The following CDH18 variants were observed in gnomAD, a reference collection of about 807,000 sequenced individuals.
CDH18 encodes the protein cadherin 18.
CDH18 carries 31 observed loss-of-function variants against 67.9 expected under a neutral mutation model. The observed-to-expected ratio is 0.46, with a 90% CI of 0.34 to 0.62. The LOEUF is 0.62. Ranked by LOEUF, CDH18 falls within the 20% of genes least tolerant of loss-of-function variation. CDH18 has a pLI of 0.01. For synonymous variants in CDH18, 362 were observed against 347.2 expected (o/e 1.04, Z -0.48); for missense variants, 890 against 975.5 (o/e 0.91, Z 1.17).
intron 1 of CDH18, among the ~76,000 whole-genome samples, chr5:20,403,835 C>T (rs1745998366): frequency 6.6e-6 from 1 of 152,152 alleles, no homozygotes; most frequent in Non-Finnish European, 1.5e-5. Flanking sequence ...TTCTTCAAAG[C>T]TTTAAAAACC....
chr5:19,486,356 AACAC>A (rs1439886819), intron 11 of CDH18, among the ~76,000 whole-genome samples: 2 of 151,496 alleles, frequency 1.3e-5, no homozygotes, highest in East Asian at 1.9e-4. Flanking sequence ...CATACACACA[AACAC>A]AACACACCAT....
chr5:20,514,732 G>T (rs1235867435), intron 1 of CDH18, among the ~76,000 whole-genome samples: 1 of 152,028 alleles, frequency 6.6e-6, no homozygotes, highest in South Asian at 2.1e-4. Flanking sequence ...GTGATACATT[G>T]CTCAGTAAAT....
intron 1 of CDH18, among the ~76,000 whole-genome samples, chr5:20,438,905 C>A (rs1335184827): frequency 6.6e-6 from 1 of 151,400 alleles, no homozygotes; most frequent in African/African-American, 2.4e-5. Flanking sequence ...ATGAGACATA[C>A]AAAATCATTT....
At chr5:20,462,900 C>G (rs1751371298) in intron 1 of CDH18, among the ~76,000 whole-genome samples, 1 of 152,170 alleles carries the variant, frequency 6.6e-6, no homozygotes, top group Non-Finnish European at 1.5e-5. Flanking sequence ...CTCCCTCAAA[C>G]TCTATTTAGA....
At chr5:20,342,288 C>A (rs987152176) in intron 1 of CDH18, among the ~76,000 whole-genome samples, 1 of 152,078 alleles carries the variant, frequency 6.6e-6, no homozygotes, top group Non-Finnish European at 1.5e-5. Flanking sequence ...TCTGATGAAC[C>A]TATTTTGCCA....
intron 2 of CDH18, among the ~76,000 whole-genome samples, chr5:19,930,986 G>A (rs1793627109): frequency 3.3e-5 from 5 of 151,850 alleles, no homozygotes; most frequent in Admixed American, 3.3e-4. Context: ...CTACATCTTG[G>A]CAGATATGAT....
intron 7 of CDH18, among the ~76,000 whole-genome samples, chr5:19,583,529 A>G (rs1475729540): frequency 6.6e-6 from 1 of 152,176 alleles, no homozygotes; most frequent in Non-Finnish European, 1.5e-5. Context: ...TTCCAGTTAA[A>G]TCAAATAACG....
At chr5:19,941,446 G>A (rs941754159) in intron 2 of CDH18, among the ~76,000 whole-genome samples, 1 of 152,038 alleles carries the variant, frequency 6.6e-6, no homozygotes, top group Non-Finnish European at 1.5e-5. Context: ...TACTGCCAGT[G>A]AGGTGAACAT....
chr5:20,445,730 T>G (rs1285668550), intron 1 of CDH18, among the ~76,000 whole-genome samples: 2 of 152,226 alleles, frequency 1.3e-5, no homozygotes, highest in East Asian at 3.9e-4. Context: ...TTACTGAGAA[T>G]TCTGCATTGG....
chr5:20,393,655 A>G lies in CDH18; in HGVS notation c.-579-138150T>C, dbSNP rs531225490. Reference sequence around the variant, plus strand: ...CTCTTCCAAAAGACTCCTAGATTTGATAAATGAATTCAGTAAAGTCTCAGG... The same window carrying G: ...CTCTTCCAAAAGACTCCTAGATTTGGTAAATGAATTCAGTAAAGTCTCAGG... On this transcript the variant is annotated intron_variant, in intron 1 of 14. Transcript: ENST00000507958. Among the ~76,000 whole-genome samples, 5 of 152,166 alleles carry G rather than the reference A, an allele frequency of 3.3e-5. No homozygotes were observed. The South Asian group carries it at 1.0e-3, about 31-fold the overall frequency.
At position 20,059,235 on chromosome 5, in the gene CDH18, T is replaced by C. The variant is rs917505633; in HGVS notation, c.-517-67221A>G. Among the ~76,000 whole-genome samples the C allele has an allele frequency of 2.6e-5, 4 of 152,278 alleles. No homozygotes were observed. The East Asian group carries it at 7.7e-4, about 29-fold the overall frequency. On this transcript the variant is annotated intron_variant, in intron 2 of 14. Transcript: ENST00000507958. ...TCTTCTCTCTTTTCTTCTTTATTAG[T>C]CTGGCTAGCGGTGTGTCTATTTTGT...
At chr5:20,196,251 G>T (rs1738967346) in intron 2 of CDH18, among the ~76,000 whole-genome samples, 3 of 151,864 alleles carry the variant, frequency 2.0e-5, no homozygotes, top group Admixed American at 1.3e-4. Flanking sequence ...CAGAGTTATA[G>T]TGTTTACTAA....
intron 2 of CDH18, among the ~76,000 whole-genome samples, chr5:20,101,495 G>C (rs1295637178): frequency 6.6e-6 from 1 of 152,134 alleles, no homozygotes; most frequent in Admixed American, 6.5e-5. Flanking sequence ...ATTGGCCATG[G>C]GCTGACTTGA....
chr5:20,286,388 G>T (rs929789982), intron 1 of CDH18, among the ~76,000 whole-genome samples: 1 of 151,460 alleles, frequency 6.6e-6, no homozygotes, highest in Non-Finnish European at 1.5e-5. Context: ...TATGTTTGCT[G>T]TATTGAAAAT....
chr5:20,481,068 C>T (rs1258140428), intron 1 of CDH18, among the ~76,000 whole-genome samples: 1 of 151,662 alleles, frequency 6.6e-6, no homozygotes, highest in Admixed American at 6.6e-5. Context: ...AAAAAAAAAG[C>T]AAGACCCAGT....
chr5:19,581,473 C>G (rs1473783955), intron 7 of CDH18, among the ~76,000 whole-genome samples: 1 of 151,946 alleles, frequency 6.6e-6, no homozygotes, highest in Non-Finnish European at 1.5e-5. Flanking sequence ...TTCTCTGGAA[C>G]TATATAACCA....
chr5:20,464,720 T>C (rs1473205767), intron 1 of CDH18, among the ~76,000 whole-genome samples: 1 of 152,052 alleles, frequency 6.6e-6, no homozygotes, highest in Non-Finnish European at 1.5e-5. Context: ...CCAGGTAAGA[T>C]AAAACAAACT....
intron 2 of CDH18, among the ~76,000 whole-genome samples, chr5:20,209,145 T>C (rs1740149828): frequency 6.6e-6 from 1 of 152,084 alleles, no homozygotes; most frequent in Non-Finnish European, 1.5e-5. Context: ...GTGTGTATAC[T>C]GTTGGTAGAA....
intron 2 of CDH18, among the ~76,000 whole-genome samples, chr5:19,948,894 C>A (rs868083735): frequency 1.3e-5 from 2 of 152,058 alleles, no homozygotes; most frequent in Non-Finnish European, 2.9e-5. Flanking sequence ...AGAACTCAAG[C>A]AAGTTAAGGA....
Sources: allele counts gnomAD v4.1 joint callset (sites outside exome capture counted in the v4.1 genomes callset), GRCh38; gene constraint gnomAD v4.1.1; transcripts MANE v1.5; gene names NCBI Gene and HGNC (gene_info 2026-07-23, HGNC 2026-07-21).